The following MUC22 variants were observed in gnomAD, a reference collection of about 807,000 sequenced individuals.
The protein encoded by MUC22 is mucin-22.
A neutral mutation model predicts 40.3 loss-of-function variants in MUC22; 24 were observed. The observed-to-expected ratio is 0.60, with a 90% CI of 0.43 to 0.84. The LOEUF (loss-of-function observed/expected upper bound fraction) is 0.84, where lower values mean the gene tolerates loss of function less well. MUC22 is among the 40% of genes least tolerant of loss of function. The pLI is 0.00. For missense variants in MUC22, 1,926 were observed against 2,130.7 expected, an observed-to-expected ratio of 0.90 and a Z score of 1.89; for synonymous variants, 765 against 844.5, an observed-to-expected ratio of 0.91 and a Z score of 1.63.
rs115650014 is a variant in MUC22, at chr6:31,014,883, G to A, written c.70+4107G>A. On this transcript the variant is annotated intron_variant, in intron 1 of 3. Coordinates refer to ENST00000561890, the Ensembl canonical transcript of MUC22. Reference sequence around the variant, plus strand: ...GTCAAAGTGCAGCCACAAGAGGAGAGGCTTACAGGCCCTAGAGACAGGAGG... The same window carrying A: ...GTCAAAGTGCAGCCACAAGAGGAGAAGCTTACAGGCCCTAGAGACAGGAGG... Among the ~76,000 whole-genome samples the A allele has an allele frequency of 7.7e-3, 1,166 of 152,238 alleles. 14 individuals carry two copies. The highest frequency in any genetic ancestry group is 0.026 in the African/African-American group (1,083 of 41,524).
intron 2 of MUC22, among the ~76,000 whole-genome samples, chr6:31,031,818 T>C (rs1243287055): frequency 7.0e-6 from 1 of 142,302 alleles, no homozygotes; most frequent in Non-Finnish European, 1.5e-5. Flanking sequence ...TAAAATCTCA[T>C]CCAGGTCACT....
At chr6:31,010,340 T>C (rs1159772512), upstream of MUC22, 1 of 221,180 alleles carries the variant, frequency 4.5e-6, no homozygotes, top group Admixed American at 5.1e-5. Context: ...CCTTGATTCC[T>C]GTAGGGTACA....
At chr6:31,019,379 C>T (rs1764503389) in intron 1 of MUC22, among the ~76,000 whole-genome samples, 1 of 152,228 alleles carries the variant, frequency 6.6e-6, no homozygotes, top group South Asian at 2.1e-4. Context: ...AATTTTTTCA[C>T]TCTTGCCCTC....
At chr6:31,014,020 T>C (rs1276165770) in intron 1 of MUC22, among the ~76,000 whole-genome samples, 1 of 152,210 alleles carries the variant, frequency 6.6e-6, no homozygotes, top group Non-Finnish European at 1.5e-5. Flanking sequence ...ATTTTTGGTG[T>C]TAAACTAGCA....
At chr6:31,022,061 G>C (rs945360175) in intron 1 of MUC22, among the ~76,000 whole-genome samples, 12 of 151,910 alleles carry the variant, frequency 7.9e-5, no homozygotes, top group Admixed American at 2.6e-4. Context: ...CACTGTGAAG[G>C]TTTGCAGCTT....
At position 31,026,665 on chromosome 6, in the gene MUC22, G is replaced by T. The variant is rs1340914540; in HGVS notation, c.1234G>T (p.Ala412Ser). 2.7e-6 allele frequency: 4 copies of T among 1,506,152 alleles called. No homozygotes were observed. The East Asian group carries it at 7.4e-5, about 28-fold the overall frequency. The allele number at this position is 1,506,152 out of a possible 1,614,324, so 93.3% of individuals were successfully genotyped here. ...CTCTGAGACCACCACAGCCTATACT[G>T]CAGATTCTGAGACCACTGCAGCCTC... is the stretch of plus-strand genomic sequence containing the variant. Residue 412 changes from alanine to serine, a missense_variant, in exon 2 of 4, where the codon GCA (alanine) becomes TCA (serine). This residue lies in a region of MUC22 where 1,281 missense variants were observed against 1,337.8 expected (regional missense o/e 0.96). Coordinates refer to ENST00000561890, the Ensembl canonical transcript of MUC22.
rs551671475 is a variant in MUC22 at position 31,011,947 on chromosome 6, G to A, written c.70+1171G>A. Reference sequence around the variant, plus strand: ...AGAACTTCCCTGGTAGAAACAAACCGGAGTTCGGCCACTGAGGGGTTGGCT... The same window carrying A: ...AGAACTTCCCTGGTAGAAACAAACCAGAGTTCGGCCACTGAGGGGTTGGCT... On this transcript the variant is annotated intron_variant, in intron 1 of 3. Transcript: ENST00000561890. This position sits in a 1 kb window ranked among gnomAD's most constrained non-coding sequence, Gnocchi z 4.5. Among the ~76,000 whole-genome samples the A allele has an allele frequency of 1.2e-4, 18 of 152,274 alleles. No homozygotes were observed. The highest frequency in any genetic ancestry group is 2.4e-4 in the African/African-American group (10 of 41,546).
At chr6:31,012,172 C>T (rs1467516523) in intron 1 of MUC22, among the ~76,000 whole-genome samples, 2 of 152,212 alleles carry the variant, frequency 1.3e-5, no homozygotes, top group African/African-American at 2.4e-5. Context: ...TAGGATGGCT[C>T]GTCAAGAAGT....
intron 1 of MUC22, among the ~76,000 whole-genome samples, chr6:31,021,148 C>G (rs138708628): frequency 6.6e-6 from 1 of 152,334 alleles, no homozygotes; most frequent in South Asian, 2.1e-4. Flanking sequence ...CCTGCGGCCC[C>G]GGGGCGGGAT....
At chr6:31,030,133 C>G in intron 2 of MUC22, 33 bp downstream of exon 2, 2 of 1,478,944 alleles carry the variant, frequency 1.4e-6, no homozygotes, top group Non-Finnish European at 1.8e-6. Context: ...TGAGCCCACA[C>G]ATTTTAACTC....
exon 2 of MUC22, chr6:31,028,428 T>C: frequency 6.5e-7 from 1 of 1,529,822 alleles, no homozygotes; most frequent in South Asian, 1.2e-5. Context: ...CAGCCTCTAC[T>C]GAAGGCTCCG....
At chr6:31,016,665 T>G (rs1339947057) in intron 1 of MUC22, among the ~76,000 whole-genome samples, 1 of 152,264 alleles carries the variant, frequency 6.6e-6, no homozygotes, top group Non-Finnish European at 1.5e-5. Context: ...TCTCGGAGCC[T>G]CCTCGGCCTC....
At chr6:31,012,041 A>T (rs1411636561) in intron 1 of MUC22, among the ~76,000 whole-genome samples, 1 of 151,986 alleles carries the variant, frequency 6.6e-6, no homozygotes, top group Non-Finnish European at 1.5e-5. Flanking sequence ...GCTCCGTGTG[A>T]CTCCAATGGG....
In MUC22 at chr6:31,019,863, G is replaced by T. The variant is rs552254258; in HGVS notation, c.71-5639G>T. ...AGCAAGAAACTAAATTGGATGAAGT[G>T]GACTTCTCCACAGAGTGGCAGCCTG... On this transcript the variant is annotated intron_variant, in intron 1 of 3. Coordinates refer to ENST00000561890, the Ensembl canonical transcript of MUC22. 8.3e-4 allele frequency among the ~76,000 whole-genome samples: 127 copies of T among 152,250 alleles called. 2 individuals carry two copies. Among genetic ancestry groups the T allele is most frequent in the Admixed American group, 2.7e-3 (41 of 15,284 alleles).
Position 31,026,380 on chromosome 6 carries a change from A to G in MUC22, c.949A>G (p.Ile317Val). 2 of 1,507,358 alleles carry G rather than the reference A, an allele frequency of 1.3e-6. 1 individual carries two copies. The highest frequency in any genetic ancestry group is 1.8e-6 in the Non-Finnish European group (2 of 1,128,916). The allele number at this position is 1,507,358 out of a possible 1,614,324, so 93.4% of individuals were successfully genotyped here. ...CATAGTCTCTATTTCAGGTTCTGAG[A>G]TCACCACCACCTCTACGGCAGGATC... is the stretch of plus-strand genomic sequence containing the variant. The change falls in exon 2 of 4, where the codon ATC (isoleucine) becomes GTC (valine). Residue 317 changes from isoleucine to valine, a missense_variant. Ile to Val is a conservative substitution (Grantham distance 29, BLOSUM62 3). Coordinates refer to ENST00000561890, the Ensembl canonical transcript of MUC22.
At chr6:31,028,458 T>G (rs1411015546) in exon 2 of MUC22, 1 of 1,529,276 alleles carries the variant, frequency 6.5e-7, no homozygotes, top group Non-Finnish European at 8.7e-7. Flanking sequence ...CAGCCTCTAC[T>G]ACAGGCTCTG....
chr6:31,014,752 G>A (rs1716054254), intron 1 of MUC22, among the ~76,000 whole-genome samples: 1 of 152,214 alleles, frequency 6.6e-6, no homozygotes, highest in Non-Finnish European at 1.5e-5. Context: ...GATCCTGGGT[G>A]AATATGGTTC....
chr6:31,026,326 A>T (rs896871447), exon 2 of MUC22: 1 of 1,504,822 alleles, frequency 6.6e-7, no homozygotes, highest in Non-Finnish European at 8.9e-7. Flanking sequence ...TGAGACCACC[A>T]CCCCCTCCCC....
chr6:31,028,282 G>A (rs1765628395), exon 2 of MUC22: 1 of 1,534,694 alleles, frequency 6.5e-7, no homozygotes, highest in Non-Finnish European at 8.7e-7. Flanking sequence ...CTCCATCACA[G>A]GCTCTGAGAC....
Sources: allele counts gnomAD v4.1 joint callset (sites outside exome capture counted in the v4.1 genomes callset), GRCh38; gene constraint gnomAD v4.1.1; regional missense constraint gnomAD v4.1.1; non-coding constraint Gnocchi (gnomAD v3.1); transcripts MANE v1.5; gene names NCBI Gene and HGNC (gene_info 2026-07-23, HGNC 2026-07-21).